Variants in XKR4 observed in about 807,000 individuals in gnomAD.
XKR4 encodes XK related 4.
In XKR4, 12 loss-of-function variants were observed where a neutral mutation model predicts 53.9. That is an observed-to-expected ratio of 0.22 (90% CI 0.14 to 0.36). The LOEUF (loss-of-function observed/expected upper bound fraction) is 0.36, where lower values mean the gene tolerates loss of function less well. Ranked by LOEUF, XKR4 falls within the 10% of genes least tolerant of loss-of-function variation. XKR4 has a pLI of 1.00. For synonymous variants in XKR4, 354 were observed against 362.4 expected (o/e 0.98, Z 0.26); for missense variants, 799 against 859.5 (o/e 0.93, Z 0.88).
chr8:55,322,910 C>T (rs1270945948), intron 1 of XKR4, among the ~76,000 whole-genome samples: 3 of 152,018 alleles, frequency 2.0e-5, no homozygotes, highest in Admixed American at 6.6e-5. Flanking sequence ...GCATTCTTCC[C>T]GTGAGGACTT....
chr8:55,103,507 G>T, intron 1 of XKR4, among the ~76,000 whole-genome samples: 1 of 152,044 alleles, frequency 6.6e-6, no homozygotes. Context: ...GGGAAGGACA[G>T]CAAAGTGGTT....
rs566883651 is a variant in XKR4, at chr8:55,443,272, G to A, written c.1007-80009G>A. ...CTGCAATGTACAATAAGAGCCAAAG[G>A]CCAGTATCAGGTTAATACTTTTGAA... On this transcript the variant is annotated intron_variant, in intron 2 of 2. Coordinates refer to ENST00000327381, the MANE Select transcript of XKR4 (RefSeq NM_052898.2). Among the ~76,000 whole-genome samples the A allele has an allele frequency of 2.2e-4, 33 of 151,868 alleles. No homozygotes were observed. In the East Asian group the frequency reaches 6.0e-3, roughly 28 times the overall value.
chr8:55,460,633 G>A (rs1027704580), intron 2 of XKR4, among the ~76,000 whole-genome samples: 1 of 152,172 alleles, frequency 6.6e-6, no homozygotes, highest in Non-Finnish European at 1.5e-5. Context: ...GACAGTGGGT[G>A]CAGGACAGTG....
rs180833958 is a variant in XKR4, at chr8:55,394,283, G to T, written c.1006+36406G>T. ...CTTCATTGATGATTCAATGATGTCT[G>T]CAAGGAGCTTACTGCCTAATTAGGT... On this transcript the variant is annotated intron_variant, in intron 2 of 2. Coordinates refer to ENST00000327381, the MANE Select transcript of XKR4 (RefSeq NM_052898.2). 2.0e-5 allele frequency among the ~76,000 whole-genome samples: 3 copies of T among 152,256 alleles called. No individual in the cohort carries two copies. In the East Asian group the frequency reaches 5.8e-4, roughly 29 times the overall value.
chr8:55,420,721 T>C (rs998488559), intron 2 of XKR4, among the ~76,000 whole-genome samples: 2 of 151,656 alleles, frequency 1.3e-5, no homozygotes, highest in Non-Finnish European at 2.9e-5. Context: ...ACCAGCATGG[T>C]ACATGTATAC....
chr8:55,383,127 C>T (rs931454533), intron 2 of XKR4, among the ~76,000 whole-genome samples: 2 of 152,092 alleles, frequency 1.3e-5, no homozygotes, highest in African/African-American at 4.8e-5. Context: ...GCAGGAGAAT[C>T]GCTTGAACCT....
At chr8:55,428,869 T>A (rs1805057051) in intron 2 of XKR4, among the ~76,000 whole-genome samples, 3 of 152,226 alleles carry the variant, frequency 2.0e-5, no homozygotes, top group Non-Finnish European at 4.4e-5. Context: ...GATGTGGGTT[T>A]AATGCAATTC....
chr8:55,387,535 C>T (rs535427551), intron 2 of XKR4, among the ~76,000 whole-genome samples: 1 of 152,298 alleles, frequency 6.6e-6, no homozygotes, highest in South Asian at 2.1e-4. Context: ...CCTGCTTCTC[C>T]CACAATGACT....
At chr8:55,415,216 A>G (rs1413663491) in intron 2 of XKR4, among the ~76,000 whole-genome samples, 1 of 152,244 alleles carries the variant, frequency 6.6e-6, no homozygotes, top group Non-Finnish European at 1.5e-5. Context: ...GAGATTATTC[A>G]GATCAGAAAT....
In XKR4 at chr8:55,494,867, G is replaced by T. The variant is rs372053764; in HGVS notation, c.1007-28414G>T. ...AAAAGCACTACAAGTTCCCCCTCTG[G>T]TCTGCAGGACTGACTGCCCTGCCCC... On this transcript the variant is annotated intron_variant, in intron 2 of 2. Coordinates refer to ENST00000327381, the MANE Select transcript of XKR4 (RefSeq NM_052898.2). 3.9e-5 allele frequency among the ~76,000 whole-genome samples: 6 copies of T among 152,228 alleles called. No homozygotes were observed. In the East Asian group the frequency reaches 7.8e-4, roughly 20 times the overall value.
chr8:55,379,668 G>A (rs1292570008), intron 2 of XKR4, among the ~76,000 whole-genome samples: 1 of 152,236 alleles, frequency 6.6e-6, no homozygotes, highest in East Asian at 1.9e-4. Flanking sequence ...GAACCAGGCT[G>A]CTGTCACCCT....
rs557087925 is a variant in XKR4, at chr8:55,303,464, T to G, written c.807-54214T>G. ...GATATTGGTCTAAAATTCTCTTTTT[T>G]GGTTGTGTCTCTGCCAGGCTTTGGT... On this transcript the variant is annotated intron_variant, in intron 1 of 2. Transcript: ENST00000327381. Among the ~76,000 whole-genome samples, 87 of 152,244 alleles carry G rather than the reference T, an allele frequency of 5.7e-4. 1 individual carries two copies. The highest frequency in any genetic ancestry group is 1.2e-3 in the Admixed American group (18 of 15,304).
At chr8:55,114,995 G>A (rs913629891) in intron 1 of XKR4, among the ~76,000 whole-genome samples, 14 of 152,106 alleles carry the variant, frequency 9.2e-5, no homozygotes, top group African/African-American at 2.7e-4. Flanking sequence ...GTGATGATGC[G>A]CCAAGGACAG....
chr8:55,497,346 T>A (rs951906618), intron 2 of XKR4, among the ~76,000 whole-genome samples: 2 of 152,256 alleles, frequency 1.3e-5, no homozygotes, highest in Non-Finnish European at 2.9e-5. Context: ...GTGTTTTTAA[T>A]ATGTTTTTAA....
rs1807106385 is a variant in XKR4, at chr8:55,541,877, A to T, written c.*17650A>T. On this transcript the variant is annotated 3_prime_UTR_variant, in exon 3 of 3. Coordinates refer to ENST00000327381, the MANE Select transcript of XKR4 (RefSeq NM_052898.2). The stretch of plus-strand genomic sequence containing the variant: ...AGTGACCCCCAGTGCCCTAGTTTGA[A>T]GCACAGTGTGTGGAGTATTTGATGT... 6.6e-6 allele frequency: 1 copy of T among 152,110 alleles called. No homozygotes were observed. Among genetic ancestry groups the T allele is most frequent in the Non-Finnish European group, 1.5e-5 (1 of 68,018 alleles). 9.4% of individuals were successfully genotyped at this position (152,110 alleles called of 1,614,324 possible). A position where few individuals can be genotyped will look rare whatever the true frequency, so the allele number is the denominator to read the frequency against.
intron 1 of XKR4, among the ~76,000 whole-genome samples, chr8:55,229,651 T>C (rs1481849897): frequency 1.3e-5 from 2 of 152,258 alleles, no homozygotes; most frequent in African/African-American, 2.4e-5. Context: ...CACTGTCTGC[T>C]TCCTTCCCTT....
intron 2 of XKR4, among the ~76,000 whole-genome samples, chr8:55,431,829 A>G (rs1053260268): frequency 3.9e-5 from 6 of 152,240 alleles, no homozygotes; most frequent in South Asian, 2.1e-4. Context: ...CCCTTATCAG[A>G]TAAGACTCAT....
chr8:55,148,810 C>A (rs530424241), intron 1 of XKR4, among the ~76,000 whole-genome samples: 1 of 152,010 alleles, frequency 6.6e-6, no homozygotes, highest in Admixed American at 6.6e-5. Context: ...ATTTTAAGGT[C>A]GATGTTGTTT....
chr8:55,410,667 C>G (rs974543096), intron 2 of XKR4, among the ~76,000 whole-genome samples: 16 of 152,050 alleles, frequency 1.1e-4, no homozygotes, highest in Non-Finnish European at 2.1e-4. Context: ...GCCTCTCCCC[C>G]GGGACCCTGA....
Sources: allele counts gnomAD v4.1 joint callset (sites outside exome capture counted in the v4.1 genomes callset), GRCh38; gene constraint gnomAD v4.1.1; transcripts MANE v1.5; gene names NCBI Gene and HGNC (gene_info 2026-07-23, HGNC 2026-07-21).